PLA2G6: variants seen among roughly 807,000 people sequenced by gnomAD.
PLA2G6 encodes the protein 85/88 kDa calcium-independent phospholipase A2.
Under a neutral mutation model 83.8 loss-of-function variants are expected in PLA2G6, and 62 were observed. The ratio of observed to expected loss-of-function variants is 0.74; its 90% CI spans 0.60 to 0.91. PLA2G6 has a LOEUF of 0.91. PLA2G6 is among the 40% of genes least tolerant of loss of function. PLA2G6 has a pLI of 0.00. For missense variants in PLA2G6, 944 were observed against 1,102.0 expected (o/e 0.86, Z 2.03); for synonymous variants, 417 against 449.8 (o/e 0.93, Z 0.92).
At chr22:38,154,938 A>G (rs2089715744) in intron 2 of PLA2G6, among the ~76,000 whole-genome samples, 2 of 152,212 alleles carry the variant, frequency 1.3e-5, no homozygotes, top group Non-Finnish European at 2.9e-5. Flanking sequence ...ATTTAAAAGA[A>G]TCAAGCAGGC....
intron 7 of PLA2G6, among the ~76,000 whole-genome samples, chr22:38,129,785 G>A (rs1260732063): frequency 1.3e-5 from 2 of 152,304 alleles, no homozygotes; most frequent in African/African-American, 2.4e-5. Flanking sequence ...GCACCCACAG[G>A]GGAGGGTGTA....
chr22:38,122,954 C>T, intron 11 of PLA2G6, 141 bp downstream of exon 11: 1 of 847,628 alleles, frequency 1.2e-6, no homozygotes, highest in South Asian at 1.5e-5. Flanking sequence ...GCACCTGCAG[C>T]CCCGCCCCTG....
intron 9 of PLA2G6, chr22:38,127,187 G>A: frequency 8.5e-7 from 1 of 1,183,082 alleles, no homozygotes; most frequent in Non-Finnish European, 1.1e-6. Flanking sequence ...AAGCAGCAAA[G>A]CAGAACCGAG....
At chr22:38,176,224 T>G (rs1180851504) in intron 1 of PLA2G6, among the ~76,000 whole-genome samples, 1 of 152,160 alleles carries the variant, frequency 6.6e-6, no homozygotes, top group Non-Finnish European at 1.5e-5. Context: ...GCACTTAGGC[T>G]GAGCTCACTC....
intron 1 of PLA2G6, among the ~76,000 whole-genome samples, chr22:38,174,450 A>G (rs2090556515): frequency 6.6e-6 from 1 of 152,176 alleles, no homozygotes; most frequent in Admixed American, 6.5e-5. Context: ...TCGAGTGGGA[A>G]CAGAGGGAGA....
In PLA2G6 at chr22:38,126,338, T is replaced by TC. The variant is rs764618392; in HGVS notation, c.1427+32dup. The stretch of plus-strand genomic sequence containing the variant: ...GTGAGGGGCAGGAAAGCGCACACGT[T>TC]CCCCGCTCTGCCCCCGATCTCGATC... On this transcript the variant is annotated intron_variant, in intron 10 of 16. Transcript: ENST00000332509. 8.4e-5 allele frequency: 130 copies of TC among 1,547,876 alleles called. 1 individual carries two copies. In the South Asian group the frequency reaches 1.4e-3, roughly 16 times the overall value.
At chr22:38,172,158 C>T (rs2090461036) in intron 1 of PLA2G6, among the ~76,000 whole-genome samples, 1 of 152,218 alleles carries the variant, frequency 6.6e-6, no homozygotes, top group East Asian at 1.9e-4. Context: ...GCTTTACGTA[C>T]ATTAATCATT....
chr22:38,154,560 C>T (rs534651654), intron 2 of PLA2G6, among the ~76,000 whole-genome samples: 3 of 152,376 alleles, frequency 2.0e-5, no homozygotes, highest in African/African-American at 7.2e-5. Flanking sequence ...GGGGTGCCCC[C>T]TAATGCAGAT....
At chr22:38,126,484 G>A (rs148636646) in intron 9 of PLA2G6, 35 bp from the exon 10 acceptor site, 134 of 1,557,474 alleles carry the variant, frequency 8.6e-5, no homozygotes, top group Non-Finnish European at 1.1e-4. Context: ...CTGTGGTCAG[G>A]TGGGTCCCCA....
chr22:38,134,929 CCT>C (rs1360878767), intron 6 of PLA2G6, 57 bp downstream of exon 6: 13 of 1,282,548 alleles, frequency 1.0e-5, no homozygotes, highest in Admixed American at 8.7e-5. Flanking sequence ...TCCTGAGGGC[CCT>C]GAGGACCTGC....
chr22:38,121,045 C>T (rs11704969), intron 11 of PLA2G6, 136 bp from the exon 12 acceptor site: 20 of 899,984 alleles, frequency 2.2e-5, no homozygotes, highest in Non-Finnish European at 1.0e-5. Flanking sequence ...AACCCAAATT[C>T]TGGGCCCTTC....
At position 38,143,097 on chromosome 22, in the gene PLA2G6, C is replaced by T; in HGVS notation, c.609+8G>A. ...AGTACCAGTCACCCTGCCCCTCCCC[C>T]TGCTCACCTGCAGCACCTGAGAATT... On this transcript the variant is annotated splice_region_variant and intron_variant, in intron 4 of 16. Coordinates refer to ENST00000332509, the MANE Select transcript of PLA2G6 (RefSeq NM_003560.4). The T allele has an allele frequency of 6.2e-7, 1 of 1,613,944 alleles. No homozygotes were observed. Among genetic ancestry groups the T allele is most frequent in the African/African-American group, 1.3e-5 (1 of 75,042 alleles).
intron 11 of PLA2G6, among the ~76,000 whole-genome samples, chr22:38,122,671 G>A (rs543021312): frequency 6.6e-6 from 1 of 152,326 alleles, no homozygotes; most frequent in African/African-American, 2.4e-5. Flanking sequence ...GTGCAGGCGA[G>A]GGCTCTGGCA....
rs143221597 is a variant in PLA2G6, at chr22:38,122,023, G to A, written c.1591+1072C>T. Among the ~76,000 whole-genome samples, 1,454 of 152,240 alleles carry A rather than the reference G, an allele frequency of 9.6e-3. 31 individuals carry two copies. Among genetic ancestry groups the A allele is most frequent in the African/African-American group, 0.033 (1,359 of 41,522 alleles). On this transcript the variant is annotated intron_variant, in intron 11 of 16. Coordinates refer to ENST00000332509, the MANE Select transcript of PLA2G6 (RefSeq NM_003560.4). ...ATGAAATACCAGTCAATAAACCGCC[G>A]TGGACACTAACGTCCCGGCAACTTG...
chr22:38,179,721 C>T (rs1247731569), intron 1 of PLA2G6, among the ~76,000 whole-genome samples: 2 of 151,980 alleles, frequency 1.3e-5, no homozygotes, highest in Non-Finnish European at 2.9e-5. Context: ...TGCAGTGAGC[C>T]GAGATCGTGC....
intron 5 of PLA2G6, 152 bp downstream of exon 5, chr22:38,139,830 G>A (rs1412122105): frequency 1.1e-5 from 7 of 648,856 alleles, no homozygotes; most frequent in Non-Finnish European, 1.7e-5. Context: ...TGGGCCAGGC[G>A]GGGCCTAATG....
chr22:38,175,656 A>G (rs1488323251), intron 1 of PLA2G6, among the ~76,000 whole-genome samples: 2 of 152,176 alleles, frequency 1.3e-5, no homozygotes, highest in African/African-American at 4.8e-5. Context: ...CTCAGGTGCC[A>G]TCTCCTCTGA....
rs1411084379 is a variant in PLA2G6, at chr22:38,143,086, T to A, written c.609+19A>T. The A allele has an allele frequency of 1.2e-6, 2 of 1,612,196 alleles. No individual in the cohort carries two copies. ...CGGGAGGTATCAGTACCAGTCACCC[T>A]GCCCCTCCCCCTGCTCACCTGCAGC... On this transcript the variant is annotated intron_variant, in intron 4 of 16. Coordinates refer to ENST00000332509, the MANE Select transcript of PLA2G6 (RefSeq NM_003560.4).
At chr22:38,167,061 T>C (rs1260209903) in intron 2 of PLA2G6, among the ~76,000 whole-genome samples, 1 of 151,826 alleles carries the variant, frequency 6.6e-6, no homozygotes, top group African/African-American at 2.4e-5. Flanking sequence ...ACCCCATCTC[T>C]ACTAAAAATA....
Sources: allele counts gnomAD v4.1 joint callset (sites outside exome capture counted in the v4.1 genomes callset), GRCh38; gene constraint gnomAD v4.1.1; transcripts MANE v1.5; gene names NCBI Gene and HGNC (gene_info 2026-07-23, HGNC 2026-07-21).